CAPSL: variants seen among roughly 807,000 people sequenced by gnomAD.
CAPSL encodes calcyphosin-like protein.
Under a neutral mutation model 21.3 loss-of-function variants are expected in CAPSL, and 17 were observed. The ratio of observed to expected loss-of-function variants is 0.80; its 90% CI spans 0.55 to 1.20. The LOEUF is 1.20. CAPSL is among the 50% of genes most tolerant of loss of function. CAPSL has a pLI of 0.00. For missense variants in CAPSL, 289 were observed against 259.3 expected (o/e 1.11, Z -0.79); for synonymous variants, 102 against 89.3 (o/e 1.14, Z -0.80).
chr5:35,909,738 G>T, intron 4 of CAPSL, 128 bp downstream of exon 4: 1 of 803,462 alleles, frequency 1.2e-6, no homozygotes, highest in Non-Finnish European at 2.0e-6. Flanking sequence ...TGTTCCTAGG[G>T]AAATAGTTTA....
intron 1 of CAPSL, among the ~76,000 whole-genome samples, chr5:35,923,368 G>A (rs1738587963): frequency 6.6e-6 from 1 of 152,154 alleles, no homozygotes; most frequent in Non-Finnish European, 1.5e-5. Flanking sequence ...GCCCCCACTA[G>A]GTAGTAAGCA....
intron 2 of CAPSL, among the ~76,000 whole-genome samples, chr5:35,914,965 A>G (rs1738333394): frequency 6.6e-6 from 1 of 152,206 alleles, no homozygotes; most frequent in Admixed American, 6.5e-5. Flanking sequence ...AACTCTAGCA[A>G]GACTAATAAA....
At chr5:35,904,814 T>A in intron 4 of CAPSL, 168 bp from the exon 5 acceptor site, 3 of 608,484 alleles carry the variant, frequency 4.9e-6, no homozygotes, top group South Asian at 1.5e-4. Context: ...CTGAGGATGG[T>A]GTGAGAACAG....
chr5:35,935,613 A>G (rs1402689963), intron 1 of CAPSL, among the ~76,000 whole-genome samples: 1 of 152,156 alleles, frequency 6.6e-6, no homozygotes, highest in Admixed American at 6.5e-5. Flanking sequence ...GAGATTACAG[A>G]CATGAGCCAC....
intron 1 of CAPSL, among the ~76,000 whole-genome samples, chr5:35,928,271 A>G (rs780027152): frequency 6.6e-6 from 1 of 152,172 alleles, no homozygotes; most frequent in African/African-American, 2.4e-5. Flanking sequence ...ACCACTTAAT[A>G]CTATTGTATT....
At chr5:35,907,853 G>A (rs1016621293) in intron 4 of CAPSL, among the ~76,000 whole-genome samples, 1 of 152,188 alleles carries the variant, frequency 6.6e-6, no homozygotes, top group Non-Finnish European at 1.5e-5. Flanking sequence ...TTTGCAAGAG[G>A]TAAATTTTAG....
At chr5:35,908,985 T>C (rs945573866) in intron 4 of CAPSL, among the ~76,000 whole-genome samples, 2 of 152,154 alleles carry the variant, frequency 1.3e-5, no homozygotes, top group African/African-American at 4.8e-5. Flanking sequence ...TAAGAGACAA[T>C]GAACCCTGGG....
intron 2 of CAPSL, 73 bp downstream of exon 2, chr5:35,920,911 G>C (rs1479358015): frequency 4.6e-6 from 7 of 1,516,042 alleles, no homozygotes; most frequent in Non-Finnish European, 6.3e-6. Context: ...AAGACCACGT[G>C]GCCAACATTA....
intron 1 of CAPSL, among the ~76,000 whole-genome samples, chr5:35,932,437 G>A (rs696733): frequency 0.21 from 31,383 of 152,020 alleles, 4,518 homozygotes; most frequent in East Asian, 0.63. Context: ...AAGGGCAAAA[G>A]GCAAGAAGGA....
chr5:35,914,035 C>CA (rs1263575837), intron 2 of CAPSL, among the ~76,000 whole-genome samples: 5 of 151,366 alleles, frequency 3.3e-5, no homozygotes, highest in Non-Finnish European at 7.4e-5. Context: ...AAATGGAAAA[C>CA]AAAAAAAGGC....
At chr5:35,912,109 A>G (rs1738241904) in intron 2 of CAPSL, among the ~76,000 whole-genome samples, 1 of 152,164 alleles carries the variant, frequency 6.6e-6, no homozygotes, top group African/African-American at 2.4e-5. Flanking sequence ...GGCCTCACTC[A>G]TTGCCAGCAC....
intron 2 of CAPSL, among the ~76,000 whole-genome samples, chr5:35,911,334 C>A (rs941696680): frequency 6.6e-5 from 10 of 152,184 alleles, no homozygotes; most frequent in Non-Finnish European, 1.5e-5. Flanking sequence ...CTGACAAATA[C>A]TACCTCAATC....
intron 2 of CAPSL, among the ~76,000 whole-genome samples, chr5:35,912,677 CAGAT>C (rs1409445914): frequency 2.0e-5 from 3 of 152,232 alleles, no homozygotes; most frequent in Non-Finnish European, 4.4e-5. Flanking sequence ...AACTAACAAA[CAGAT>C]AGGACATCCA....
intron 1 of CAPSL, among the ~76,000 whole-genome samples, chr5:35,931,912 G>C (rs1258263082): frequency 6.6e-6 from 1 of 152,156 alleles, no homozygotes; most frequent in East Asian, 1.9e-4. Context: ...AGCCCAACTG[G>C]TACATCTTCT....
chr5:35,925,644 CAGGAGACCGCAA>C lies in CAPSL; in HGVS notation c.1-4536_1-4525del, dbSNP rs200617342. ...GATTTGGATTTTCTCCTGAGAGCAA[CAGGAGACCGCAA>C]AGTTTTCTTAAAAAGGGAAAAATTC... On this transcript the variant is annotated intron_variant, in intron 1 of 4. Coordinates refer to ENST00000651391, the MANE Select transcript of CAPSL (RefSeq NM_001042625.2). 7.9e-3 allele frequency among the ~76,000 whole-genome samples: 1,198 copies of C among 152,142 alleles called. 21 individuals are homozygous for C. The highest frequency in any genetic ancestry group is 0.028 in the African/African-American group (1,144 of 41,478).
At chr5:35,920,827 C>T (rs1489795175) in intron 2 of CAPSL, among the ~76,000 whole-genome samples, 157 bp downstream of exon 2, 2 of 152,166 alleles carry the variant, frequency 1.3e-5, no homozygotes, top group Non-Finnish European at 2.9e-5. Flanking sequence ...CACAAGGGAC[C>T]TCATAGATCA....
chr5:35,922,323 G>A (rs928514214), intron 1 of CAPSL, among the ~76,000 whole-genome samples: 4 of 152,048 alleles, frequency 2.6e-5, no homozygotes, highest in African/African-American at 9.7e-5. Flanking sequence ...CAATAACTGA[G>A]GCCAGAATAG....
chr5:35,918,874 A>G (rs1738458677), intron 2 of CAPSL, among the ~76,000 whole-genome samples: 1 of 152,084 alleles, frequency 6.6e-6, no homozygotes, highest in African/African-American at 2.4e-5. Context: ...CCAGTGAAAA[A>G]AATGTTGAGT....
intron 2 of CAPSL, among the ~76,000 whole-genome samples, chr5:35,917,673 A>G (rs1738428311): frequency 1.3e-5 from 2 of 152,170 alleles, no homozygotes; most frequent in African/African-American, 4.8e-5. Flanking sequence ...CAATGAGAAC[A>G]CATGGACACA....
Sources: allele counts gnomAD v4.1 joint callset (sites outside exome capture counted in the v4.1 genomes callset), GRCh38; gene constraint gnomAD v4.1.1; transcripts MANE v1.5; gene names NCBI Gene and HGNC (gene_info 2026-07-23, HGNC 2026-07-21).